Variants in CACNA1C observed in about 807,000 individuals in gnomAD.
The protein encoded by CACNA1C is calcium voltage-gated channel subunit alpha1 C.
CACNA1C carries 30 observed loss-of-function variants against 229.0 expected under a neutral mutation model. The observed-to-expected ratio is 0.13, with a 90% confidence interval of 0.10 to 0.18. The LOEUF is 0.18. Ranked by LOEUF, CACNA1C falls within the 10% of genes least tolerant of loss-of-function variation. CACNA1C has a pLI of 1.00. For synonymous variants in CACNA1C, 1,114 were observed against 1,132.5 expected, an observed-to-expected ratio of 0.98 and a Z score of 0.33; for missense variants, 1,658 against 2,845.0, an observed-to-expected ratio of 0.58 and a Z score of 9.49.
chr12:2,539,189 C>A (rs1244685856), intron 9 of CACNA1C, among the ~76,000 whole-genome samples: 1 of 152,152 alleles, frequency 6.6e-6, no homozygotes, highest in East Asian at 1.9e-4. Context: ...AGTAGGTACT[C>A]TTAAACTAGG....
chr12:2,438,206 ATGGTGG>A (rs1174096470), intron 3 of CACNA1C, among the ~76,000 whole-genome samples: 6 of 123,876 alleles, frequency 4.8e-5, no homozygotes, highest in East Asian at 5.7e-4. Flanking sequence ...GGCGATGGTG[ATGGTGG>A]TGGTGGTGGT....
At chr12:2,297,391 G>T (rs1290888624) in intron 3 of CACNA1C, among the ~76,000 whole-genome samples, 7 of 152,252 alleles carry the variant, frequency 4.6e-5, no homozygotes, top group African/African-American at 1.7e-4. Flanking sequence ...GTATCAAAGG[G>T]TTGTCATTAG....
At chr12:2,388,320 C>A (rs1375068825) in intron 3 of CACNA1C, among the ~76,000 whole-genome samples, 1 of 152,194 alleles carries the variant, frequency 6.6e-6, no homozygotes, top group African/African-American at 2.4e-5. Flanking sequence ...GTGTGGTGGG[C>A]ACATGTAAGA....
intron 37 of CACNA1C, 173 bp from the exon 38 acceptor site, chr12:2,668,760 C>T: frequency 1.7e-6 from 1 of 604,978 alleles, no homozygotes; most frequent in East Asian, 2.8e-5. Flanking sequence ...GAGAAATCCA[C>T]CCCATGATGC....
chr12:2,675,295 C>T (rs1364039896), intron 39 of CACNA1C, among the ~76,000 whole-genome samples: 2 of 152,158 alleles, frequency 1.3e-5, no homozygotes, highest in Non-Finnish European at 2.9e-5. Flanking sequence ...CATAACTATA[C>T]CAGCAGGTAC....
intron 3 of CACNA1C, among the ~76,000 whole-genome samples, chr12:2,281,170 C>G (rs1416784681): frequency 6.8e-6 from 1 of 147,420 alleles, no homozygotes; most frequent in Non-Finnish European, 1.5e-5. Context: ...GTTACTAAAC[C>G]CCTTCACATA....
intron 30 of CACNA1C, among the ~76,000 whole-genome samples, chr12:2,638,725 G>C (rs1230294500): frequency 6.6e-6 from 1 of 152,222 alleles, no homozygotes; most frequent in East Asian, 1.9e-4. Flanking sequence ...CTGCATGGGG[G>C]CAGGAGGAGA....
rs748337791 is a variant in CACNA1C, at chr12:2,378,336, T to A, written c.478-70640T>A. The stretch of plus-strand genomic sequence containing the variant: ...GCCTCTGCATGTGGATGGGTTCGAA[T>A]GCCAGATTCCAGCACCCCTCTATGG... On this transcript the variant is annotated intron_variant, in intron 3 of 46. Coordinates refer to ENST00000399655, the MANE Select transcript of CACNA1C (RefSeq NM_000719.7). Among the ~76,000 whole-genome samples the A allele has an allele frequency of 5.9e-5, 9 of 152,176 alleles. 1 individual carries two copies. Among genetic ancestry groups the A allele is most frequent in the Admixed American group, 3.3e-4 (5 of 15,272 alleles).
intron 18 of CACNA1C, 103 bp downstream of exon 18, chr12:2,586,007 T>G: frequency 1.6e-6 from 1 of 631,062 alleles, no homozygotes; most frequent in Non-Finnish European, 2.7e-6. Flanking sequence ...ATGGTTCCAG[T>G]GTCCCTCTGT....
At chr12:2,586,647 C>G (rs1014405759) in intron 18 of CACNA1C, among the ~76,000 whole-genome samples, 1 of 152,196 alleles carries the variant, frequency 6.6e-6, no homozygotes, top group African/African-American at 2.4e-5. Flanking sequence ...TTCCTTGTTC[C>G]TGTAGGTTAG....
At position 2,504,448 on chromosome 12, in the gene CACNA1C, A is replaced by G; in HGVS notation, c.1114-394A>G. The G allele has an allele frequency of 6.3e-7, 1 of 1,598,478 alleles. No individual in the cohort carries two copies. Among genetic ancestry groups the G allele is most frequent in the Non-Finnish European group, 8.6e-7 (1 of 1,166,668 alleles). ...TTCGTCTTTCCAGATGCAGGACGCT[A>G]TGGGCTATGAGTTACCCTGGGTGTA... On this transcript the variant is annotated intron_variant, in intron 7 of 46. Transcript: ENST00000399655. This position sits in a 1 kb window ranked among gnomAD's most constrained non-coding sequence, Gnocchi z 6.8.
chr12:2,521,485 G>A (rs962308312), intron 9 of CACNA1C, among the ~76,000 whole-genome samples: 5 of 152,188 alleles, frequency 3.3e-5, no homozygotes, highest in African/African-American at 1.2e-4. Flanking sequence ...TGTGGAGCAT[G>A]AAGGCCCTCT....
chr12:2,566,357 T>A lies in CACNA1C; in HGVS notation c.1509-65T>A. The A allele has an allele frequency of 7.0e-7, 1 of 1,420,066 alleles. No homozygotes were observed. The highest frequency in any genetic ancestry group is 9.6e-7 in the Non-Finnish European group (1 of 1,043,822). 88.0% of individuals were successfully genotyped at this position (1,420,066 alleles called of 1,614,324 possible). On this transcript the variant is annotated intron_variant, in intron 11 of 46. Transcript: ENST00000399655. The surrounding 1 kb of genome is among the most constrained non-coding windows in gnomAD (Gnocchi z 4.0). ...GGGCGAGAAGAGCCATGGTGCTGCA[T>A]CTTGGGTTGGAGGAAACCTGAATTC...
intron 5 of CACNA1C, among the ~76,000 whole-genome samples, chr12:2,463,520 G>A (rs970531528): frequency 3.3e-5 from 5 of 152,222 alleles, no homozygotes; most frequent in Non-Finnish European, 7.3e-5. Context: ...GATGTGCAAT[G>A]TGATGAATTC....
intron 1 of CACNA1C, among the ~76,000 whole-genome samples, chr12:1,981,639 G>A (rs546257264): frequency 1.5e-4 from 23 of 152,264 alleles, no homozygotes; most frequent in Non-Finnish European, 2.4e-4. Flanking sequence ...TAGCTTATTC[G>A]TTACTGCCAA....
chr12:2,657,481 A>G (rs1008882838), intron 34 of CACNA1C, among the ~76,000 whole-genome samples: 5 of 152,208 alleles, frequency 3.3e-5, no homozygotes, highest in Non-Finnish European at 7.4e-5. Context: ...CTAAAAAAAT[A>G]GAAATGGAAT....
chr12:2,655,588 A>G (rs2095372275), intron 34 of CACNA1C, among the ~76,000 whole-genome samples: 1 of 152,188 alleles, frequency 6.6e-6, no homozygotes, highest in Admixed American at 6.5e-5. Flanking sequence ...TCTGAACCTC[A>G]GTTTTCTTGT....
intron 9 of CACNA1C, among the ~76,000 whole-genome samples, chr12:2,540,698 A>T (rs1185079280): frequency 2.0e-5 from 3 of 152,170 alleles, no homozygotes; most frequent in Non-Finnish European, 2.9e-5. Flanking sequence ...CTCCAGGGAC[A>T]GGGCATGACG....
At chr12:2,644,700 C>CA (rs2094143692) in intron 30 of CACNA1C, among the ~76,000 whole-genome samples, 1 of 152,080 alleles carries the variant, frequency 6.6e-6, no homozygotes. Context: ...CCTGGCACTC[C>CA]AATGAAAATA....
Sources: allele counts gnomAD v4.1 joint callset (sites outside exome capture counted in the v4.1 genomes callset), GRCh38; gene constraint gnomAD v4.1.1; non-coding constraint Gnocchi (gnomAD v3.1); transcripts MANE v1.5; gene names NCBI Gene and HGNC (gene_info 2026-07-23, HGNC 2026-07-21).